The following BEAN1 variants were observed in gnomAD, a reference collection of about 807,000 sequenced individuals.
BEAN1 encodes protein BEAN1.
Under a neutral mutation model 17.7 loss-of-function variants are expected in BEAN1, and 17 were observed. The observed-to-expected ratio is 0.96, with a 90% CI of 0.66 to 1.44. The LOEUF (loss-of-function observed/expected upper bound fraction) is 1.44, where lower values mean the gene tolerates loss of function less well. BEAN1 is among the 40% of genes most tolerant of loss of function. The probability of loss-of-function intolerance (pLI) is 0.00; values close to 1 mark genes in which losing one functional copy is unlikely to be tolerated. For synonymous variants in BEAN1, 142 were observed against 151.8 expected, an observed-to-expected ratio of 0.94 and a Z score of 0.47; for missense variants, 359 against 374.1, an observed-to-expected ratio of 0.96 and a Z score of 0.33.
intron 2 of BEAN1, among the ~76,000 whole-genome samples, chr16:66,457,622 T>C (rs1962922702): frequency 6.6e-6 from 1 of 152,104 alleles, no homozygotes; most frequent in South Asian, 2.1e-4. Context: ...TGCTCTTCTC[T>C]CCCTTTACTG....
intron 2 of BEAN1, among the ~76,000 whole-genome samples, chr16:66,446,088 C>T (rs571713748): frequency 6.6e-6 from 1 of 152,170 alleles, no homozygotes; most frequent in African/African-American, 2.4e-5. Context: ...GAGGCTGAGG[C>T]ATGAGAATCG....
At chr16:66,484,493 C>A, downstream of BEAN1, 1 of 426,982 alleles carries the variant, frequency 2.3e-6, no homozygotes, top group Non-Finnish European at 4.7e-6. The surrounding 1 kb of genome is among the most constrained non-coding windows in gnomAD (Gnocchi z 4.2). Context: ...TAAGGAGATG[C>A]CGCCTGTCTG....
intron 2 of BEAN1, among the ~76,000 whole-genome samples, chr16:66,460,999 C>G (rs1963060945): frequency 6.6e-6 from 1 of 152,148 alleles, no homozygotes; most frequent in African/African-American, 2.4e-5. Context: ...ACAGTAGGTG[C>G]TCAGGAGATG....
Position 66,493,199 on chromosome 16 carries a change from C to T in BEAN1, c.385C>T (p.Leu129Phe), listed in dbSNP as rs1452285238. The T allele has an allele frequency of 3.6e-5, 25 of 703,034 alleles. No homozygotes were observed. The East Asian group carries it at 5.6e-4, about 16-fold the overall frequency. 43.5% of individuals were successfully genotyped at this position (703,034 alleles called of 1,614,324 possible). A position where few individuals can be genotyped will look rare whatever the true frequency, so the allele number is the denominator to read the frequency against. ...GATGCTTGAGCCGGGCACAGAGAAA[C>T]TCGCTAGGACCCACAGCAGGCACAG... The change falls in exon 5 of 5, where the codon CTC becomes TTC. Residue 129 changes from leucine (L) to phenylalanine (F), a missense_variant. Transcript: ENST00000561796.
Position 66,480,622 on chromosome 16 carries a change from G to A in BEAN1, c.477G>A (p.Leu159=), listed in dbSNP as rs989073790. Residue 159 remains leucine, a synonymous_variant, in exon 5 of 5, where the codon CTG becomes CTA. Coordinates refer to ENST00000536005, the MANE Select transcript of BEAN1 (RefSeq NM_001178020.3). ...GTGTGGGGCCAGGGGCCACTCAGCTGTATGTCCCCACGGACGCACCACCAC... is the reference window on the plus strand; with the variant it reads ...GTGTGGGGCCAGGGGCCACTCAGCTATATGTCCCCACGGACGCACCACCAC... ...EECVGPGATQ[L]YVPTDAPPPY... is the part of the protein sequence containing the mutation. The A allele has an allele frequency of 1.2e-5, 19 of 1,549,536 alleles. No homozygotes were observed. The highest frequency in any genetic ancestry group is 1.4e-5 in the African/African-American group (1 of 73,032).
downstream of BEAN1, chr16:66,482,913 A>G (rs1319353757): frequency 3.9e-5 from 18 of 455,918 alleles, no homozygotes; most frequent in Admixed American, 4.2e-4. Context: ...CTGGAGTGCA[A>G]TGGTATGAAC....
intron 2 of BEAN1, among the ~76,000 whole-genome samples, chr16:66,451,718 T>C (rs1317955611): frequency 2.0e-5 from 3 of 152,204 alleles, no homozygotes; most frequent in Non-Finnish European, 4.4e-5. Context: ...GATGAGGCAA[T>C]AGAGGCTTAG....
exon 5 of BEAN1, chr16:66,493,364 T>C (rs1191339469): frequency 4.5e-6 from 3 of 662,110 alleles, no homozygotes; most frequent in Non-Finnish European, 5.5e-6. Context: ...TGGCCAGAGA[T>C]CTCTGCCCAT....
chr16:66,484,675 G>A (rs1225398534), downstream of BEAN1: 1 of 454,116 alleles, frequency 2.2e-6, no homozygotes, highest in Non-Finnish European at 4.4e-6. This position sits in a 1 kb window ranked among gnomAD's most constrained non-coding sequence, Gnocchi z 4.2. Context: ...GTACCAGATG[G>A]AGTGAGGCAG....
In BEAN1 at chr16:66,477,618, C is replaced by G. The variant is rs1315215910; in HGVS notation, c.348C>G (p.Ser116=). The stretch of plus-strand genomic sequence containing the variant: ...GCAGGATGCGCTATGCCTGCAGCTC[C>G]TCAGAGGACTGGCCCCCACCCTTGG... The part of the protein sequence containing the change: ...SSRRMRYACS[S]SEDWPPPLDI... Residue 116 remains serine, a synonymous_variant, in exon 4 of 5, where the codon TCC becomes TCG. Transcript: ENST00000536005. The G allele has an allele frequency of 6.4e-7, 1 of 1,551,310 alleles. No homozygotes were observed. The highest frequency in any genetic ancestry group is 2.0e-5 in the Admixed American group (1 of 50,952).
In BEAN1 at chr16:66,481,047, CTTGTATACA is replaced by C; in HGVS notation, c.*123_*131del. On this transcript the variant is annotated 3_prime_UTR_variant, in exon 5 of 5. Transcript: ENST00000536005. This position sits in a 1 kb window ranked among gnomAD's most constrained non-coding sequence, Gnocchi z 4.1. Reference sequence around the variant, plus strand: ...ACTCATAACACACACATAGACCAAACTTGTATACACACAGACATCTACACTGACATACCC... The same window carrying C: ...ACTCATAACACACACATAGACCAAACCACAGACATCTACACTGACATACCC... 1.4e-6 allele frequency: 1 copy of C among 731,948 alleles called. No individual in the cohort carries two copies. Among genetic ancestry groups the C allele is most frequent in the Non-Finnish European group, 2.0e-6 (1 of 488,858 alleles). The allele number at this position is 731,948 out of a possible 1,614,324, so 45.3% of individuals were successfully genotyped here.
intron 2 of BEAN1, among the ~76,000 whole-genome samples, chr16:66,462,377 TA>T (rs1462203368): frequency 6.6e-6 from 1 of 152,230 alleles, no homozygotes; most frequent in African/African-American, 2.4e-5. Context: ...AACTGAATTC[TA>T]GACTAATGAA....
intron 1 of BEAN1, among the ~76,000 whole-genome samples, chr16:66,432,780 C>T (rs1278939158): frequency 1.3e-5 from 2 of 152,232 alleles, no homozygotes; most frequent in Non-Finnish European, 2.9e-5. Context: ...TGTTCCCGCC[C>T]AGGGTCTTTT....
At chr16:66,483,406 G>A (rs952182473), downstream of BEAN1, 3 of 153,634 alleles carry the variant, frequency 2.0e-5, no homozygotes, top group African/African-American at 7.3e-5. Flanking sequence ...CTGACTCTAG[G>A]AACTTCAGAG....
intron 2 of BEAN1, among the ~76,000 whole-genome samples, chr16:66,461,155 A>G (rs1385854679): frequency 7.3e-6 from 1 of 137,128 alleles, no homozygotes; most frequent in African/African-American, 2.7e-5. Context: ...TTCATCTTCT[A>G]TCCTTGCTGC....
chr16:66,481,052 A>T lies in BEAN1; in HGVS notation c.*127A>T. 1.4e-6 allele frequency: 1 copy of T among 723,918 alleles called. No individual in the cohort carries two copies. Among genetic ancestry groups the T allele is most frequent in the East Asian group, 2.9e-5 (1 of 34,178 alleles). 44.8% of individuals were successfully genotyped at this position (723,918 alleles called of 1,614,324 possible). A position where few individuals can be genotyped will look rare whatever the true frequency, so the allele number is the denominator to read the frequency against. The stretch of plus-strand genomic sequence containing the variant: ...TAACACACACATAGACCAAACTTGT[A>T]TACACACAGACATCTACACTGACAT... On this transcript the variant is annotated 3_prime_UTR_variant, in exon 5 of 5. Coordinates refer to ENST00000536005, the MANE Select transcript of BEAN1 (RefSeq NM_001178020.3). The surrounding 1 kb of genome is among the most constrained non-coding windows in gnomAD (Gnocchi z 4.1).
At chr16:66,437,511 G>A in intron 1 of BEAN1, 84 bp from the exon 2 acceptor site, 2 of 773,524 alleles carry the variant, frequency 2.6e-6, no homozygotes, top group South Asian at 1.8e-5. Context: ...GAGGTTGACA[G>A]CTCAGGAGAT....
intron 2 of BEAN1, among the ~76,000 whole-genome samples, chr16:66,468,368 G>A (rs778442385): frequency 6.6e-6 from 1 of 152,224 alleles, no homozygotes; most frequent in Non-Finnish European, 1.5e-5. Flanking sequence ...ACGTGCAAGG[G>A]GACCCCTCTC....
At chr16:66,457,665 C>T (rs1035746931) in intron 2 of BEAN1, among the ~76,000 whole-genome samples, 1 of 152,132 alleles carries the variant, frequency 6.6e-6, no homozygotes, top group Non-Finnish European at 1.5e-5. Context: ...TTTCGAGACC[C>T]AGCCCTTCTG....
Sources: allele counts gnomAD v4.1 joint callset (sites outside exome capture counted in the v4.1 genomes callset), GRCh38; gene constraint gnomAD v4.1.1; non-coding constraint Gnocchi (gnomAD v3.1); transcripts MANE v1.5; gene names NCBI Gene and HGNC (gene_info 2026-07-23, HGNC 2026-07-21).